Variants in PCDHA4 observed in about 807,000 individuals in gnomAD.
PCDHA4 encodes protocadherin alpha 4.
Under a neutral mutation model 61.4 loss-of-function variants are expected in PCDHA4, and 49 were observed. That is an observed-to-expected ratio of 0.80 (90% CI 0.63 to 1.01). The LOEUF (loss-of-function observed/expected upper bound fraction) is 1.01, where lower values mean the gene tolerates loss of function less well. Ranked by LOEUF, PCDHA4 falls within the 50% of genes least tolerant of loss-of-function variation. The probability of loss-of-function intolerance (pLI) is 0.00; values close to 1 mark genes in which losing one functional copy is unlikely to be tolerated. For missense variants in PCDHA4, 1,254 were observed against 1,235.8 expected, an observed-to-expected ratio of 1.01 and a Z score of -0.22; for synonymous variants, 590 against 550.3, an observed-to-expected ratio of 1.07 and a Z score of -1.01.
Position 140,835,939 on chromosome 5 carries a change from C to T in PCDHA4, c.2385+26367C>T, listed in dbSNP as rs1352596879. ...CACGCGGAGAGCGGCAAGGTGTACGCGCTGCAGCCGTTGGACCACGAGGAG... is the reference window on the plus strand; with the variant it reads ...CACGCGGAGAGCGGCAAGGTGTACGTGCTGCAGCCGTTGGACCACGAGGAG... On this transcript the variant is annotated intron_variant, in intron 1 of 3. Coordinates refer to ENST00000530339, the MANE Select transcript of PCDHA4 (RefSeq NM_018907.4). 4 of 1,612,400 alleles carry T rather than the reference C, an allele frequency of 2.5e-6. No homozygotes were observed. The African/African-American group carries it at 5.3e-5, about 22-fold the overall frequency.
rs549880473 is a variant in PCDHA4, at chr5:140,972,926, T to C, written c.2386-6023T>C. Among the ~76,000 whole-genome samples the C allele has an allele frequency of 9.2e-5, 14 of 152,264 alleles. No individual in the cohort carries two copies. The East Asian group carries it at 2.7e-3, about 29-fold the overall frequency. On this transcript the variant is annotated intron_variant, in intron 1 of 3. Coordinates refer to ENST00000530339, the MANE Select transcript of PCDHA4 (RefSeq NM_018907.4). ...ATCCACCCGCCTTGGCCTCCCAAAG[T>C]GCTGGGATTACAGATGTGAGCCACC...
rs377069661 is a variant in PCDHA4 at position 140,915,905 on chromosome 5, G to A, written c.2386-63044G>A. ...AGCAAGTTCCCCCTGGCCCTGGGCA[G>A]GCCCAGAGATGCTACTTGGGAGTCA... On this transcript the variant is annotated intron_variant, in intron 1 of 3. Transcript: ENST00000530339. Among the ~76,000 whole-genome samples, 6 of 152,266 alleles carry A rather than the reference G, an allele frequency of 3.9e-5. No individual in the cohort carries two copies. In the East Asian group the frequency reaches 1.2e-3, roughly 29 times the overall value.
At chr5:140,965,496 ATTTTTT>A (rs71766133) in intron 1 of PCDHA4, among the ~76,000 whole-genome samples, 2 of 146,442 alleles carry the variant, frequency 1.4e-5, no homozygotes, top group African/African-American at 2.5e-5. Flanking sequence ...ATGACAGCAG[ATTTTTT>A]TTTTTTTTTA....
intron 3 of PCDHA4, among the ~76,000 whole-genome samples, chr5:141,001,365 T>C (rs577695639): frequency 6.6e-6 from 1 of 152,354 alleles, no homozygotes; most frequent in African/African-American, 2.4e-5. Context: ...AGCCTACTAT[T>C]CTGATTACAG....
In PCDHA4 at chr5:140,807,152, C is replaced by T. The variant is rs568894389; in HGVS notation, c.-36C>T. Reference sequence around the variant, plus strand: ...AAAGATTTCCCTTGACTTTGAGAAACGATATTTAATCAGAACAAAATACTG... The same window carrying T: ...AAAGATTTCCCTTGACTTTGAGAAATGATATTTAATCAGAACAAAATACTG... On this transcript the variant is annotated 5_prime_UTR_variant, in exon 1 of 4. The change creates a new upstream start codon in the 5' untranslated region. Coordinates refer to ENST00000530339, the MANE Select transcript of PCDHA4 (RefSeq NM_018907.4). The T allele has an allele frequency of 1.6e-5, 26 of 1,579,496 alleles. No homozygotes were observed. In the East Asian group the frequency reaches 5.6e-4, roughly 34 times the overall value.
intron 1 of PCDHA4, among the ~76,000 whole-genome samples, chr5:140,827,215 A>G (rs1007618688): frequency 6.6e-6 from 1 of 152,212 alleles, no homozygotes; most frequent in Non-Finnish European, 1.5e-5. Flanking sequence ...GAACAATTAA[A>G]GGAAAGGATA....
chr5:140,884,582 T>G, intron 1 of PCDHA4: 1 of 1,614,172 alleles, frequency 6.2e-7, no homozygotes, highest in South Asian at 1.1e-5. Flanking sequence ...CCTCATGGCC[T>G]TCAGTCCCAG....
intron 3 of PCDHA4, among the ~76,000 whole-genome samples, chr5:141,005,656 C>T (rs1004583867): frequency 1.5e-4 from 20 of 136,082 alleles, no homozygotes; most frequent in Non-Finnish European, 2.5e-4. Context: ...GAGTCGAGAT[C>T]GCGCCACTGC....
intron 1 of PCDHA4, chr5:140,852,049 T>C (rs2042227542): frequency 2.2e-6 from 2 of 915,990 alleles, no homozygotes; most frequent in Non-Finnish European, 2.7e-6. Flanking sequence ...TGTTATGTGG[T>C]TTATATTTTT....
At chr5:140,927,641 CTG>C (rs782418145) in intron 1 of PCDHA4, 23 of 1,614,074 alleles carry the variant, frequency 1.4e-5, no homozygotes, top group Non-Finnish European at 1.4e-5. Flanking sequence ...CCCAATGGGA[CTG>C]TGTTATTCCG....
intron 1 of PCDHA4, 163 bp from the exon 2 acceptor site, chr5:140,978,786 G>C (rs2096822943): frequency 1.4e-5 from 14 of 972,674 alleles, no homozygotes; most frequent in Non-Finnish European, 1.3e-5. Context: ...CTTCTAAAGT[G>C]CTATATATGT....
intron 1 of PCDHA4, among the ~76,000 whole-genome samples, chr5:140,976,889 T>A (rs2096736169): frequency 6.6e-6 from 1 of 152,218 alleles, no homozygotes; most frequent in Admixed American, 6.5e-5. Context: ...TTAGGATACA[T>A]GCAACAGTAT....
chr5:140,883,547 G>A (rs782704587), intron 1 of PCDHA4: 2 of 1,614,234 alleles, frequency 1.2e-6, no homozygotes, highest in Admixed American at 1.7e-5. Flanking sequence ...GGTGGTGACC[G>A]CGCGGGACGG....
At chr5:140,898,497 T>G (rs1473036595) in intron 1 of PCDHA4, among the ~76,000 whole-genome samples, 2 of 152,216 alleles carry the variant, frequency 1.3e-5, no homozygotes, top group African/African-American at 4.8e-5. Flanking sequence ...ATCAGATAGT[T>G]GTAGATATGC....
intron 1 of PCDHA4, chr5:140,876,243 C>A: frequency 6.2e-7 from 1 of 1,613,948 alleles, no homozygotes; most frequent in Non-Finnish European, 8.5e-7. Context: ...ATGTCCAAAA[C>A]GACACAAGAG....
Position 140,984,851 on chromosome 5 carries a change from A to G in PCDHA4, c.2533+2288A>G, listed in dbSNP as rs986424116. Among the ~76,000 whole-genome samples the G allele has an allele frequency of 2.6e-5, 4 of 152,200 alleles. No individual in the cohort carries two copies. In the South Asian group the frequency reaches 6.2e-4, roughly 24 times the overall value. ...TTTCTGTAAATTGGGTGTAGTAATA[A>G]TAATAACACCTATTTTATTGAGTTA... On this transcript the variant is annotated intron_variant, in intron 3 of 3. Coordinates refer to ENST00000530339, the MANE Select transcript of PCDHA4 (RefSeq NM_018907.4).
chr5:140,840,515 G>A (rs768946675), intron 1 of PCDHA4, among the ~76,000 whole-genome samples: 2 of 151,998 alleles, frequency 1.3e-5, no homozygotes, highest in African/African-American at 4.8e-5. Context: ...TTTTGGAGCA[G>A]AAGAAAGATG....
chr5:140,968,639 G>C (rs1278507600), intron 1 of PCDHA4: 1 of 1,614,032 alleles, frequency 6.2e-7, no homozygotes, highest in Non-Finnish European at 8.5e-7. Flanking sequence ...TTACCATCTA[G>C]CCCAGACTTC....
intron 1 of PCDHA4, chr5:140,848,244 GA>G (rs1299433066): frequency 2.9e-5 from 13 of 449,890 alleles, no homozygotes; most frequent in Non-Finnish European, 5.1e-5. Context: ...AAGTTTTGCA[GA>G]ATAACTGTGA....
Sources: gnomAD v4.1 joint callset for allele counts (sites outside exome capture counted in the v4.1 genomes callset) on GRCh38, gnomAD v4.1.1 for gene constraint, MANE v1.5 for transcripts, NCBI Gene and HGNC (gene_info 2026-07-23, HGNC 2026-07-21) for gene names.